RTN4R: variants seen among roughly 807,000 people sequenced by gnomAD.
RTN4R encodes reticulon 4 receptor.
A neutral mutation model predicts 27.7 loss-of-function variants in RTN4R; 4 were observed. The ratio of observed to expected loss-of-function variants is 0.14; its 90% CI spans 0.07 to 0.33. The LOEUF (loss-of-function observed/expected upper bound fraction) is 0.33. RTN4R is among the 10% of genes least tolerant of loss of function. The probability of loss-of-function intolerance (pLI) is 1.00; values close to 1 mark genes in which losing one functional copy is unlikely to be tolerated. For missense variants in RTN4R, 554 were observed against 671.5 expected (o/e 0.83, Z 1.93); for synonymous variants, 290 against 305.6 (o/e 0.95, Z 0.53).
intron 1 of RTN4R, among the ~76,000 whole-genome samples, chr22:20,256,917 G>T (rs757384743): frequency 6.6e-6 from 1 of 152,190 alleles, no homozygotes; most frequent in Non-Finnish European, 1.5e-5. Context: ...TCCACCTTCT[G>T]CCCACTGCCA....
rs1201693968 is a variant in RTN4R, at chr22:20,268,236, T to TCCGCC, written c.-149_-145dup. 3 of 94,596 alleles carry TCCGCC rather than the reference T, an allele frequency of 3.2e-5. No homozygotes were observed. The highest frequency in any genetic ancestry group is 4.2e-4 in the Admixed American group (2 of 4,726). The allele number at this position is 94,596 out of a possible 1,614,324, so 5.9% of individuals were successfully genotyped here. A position where few individuals can be genotyped will look rare whatever the true frequency, so the allele number is the denominator to read the frequency against. The stretch of plus-strand genomic sequence containing the variant: ...CGGGACGAGGCTCGGCGCGCTCCGC[T>TCCGCC]CCGCCCGGCTCTGGCTGGGCTCGGG... On this transcript the variant is annotated 5_prime_UTR_variant, in exon 1 of 2. Coordinates refer to ENST00000043402, the MANE Select transcript of RTN4R (RefSeq NM_023004.6).
At chr22:20,252,137 T>G (rs1269238741) in intron 1 of RTN4R, among the ~76,000 whole-genome samples, 2 of 151,982 alleles carry the variant, frequency 1.3e-5, no homozygotes, top group African/African-American at 4.8e-5. Context: ...ACTATCATCA[T>G]CACCATCCTC....
intron 1 of RTN4R, among the ~76,000 whole-genome samples, chr22:20,249,873 G>A (rs149743031): frequency 2.0e-5 from 3 of 152,328 alleles, no homozygotes; most frequent in East Asian, 3.9e-4. Context: ...GGCTCTTGCC[G>A]GCTTGTTCTC....
chr22:20,267,331 C>A (rs2145988520), intron 1 of RTN4R, among the ~76,000 whole-genome samples: 1 of 151,704 alleles, frequency 6.6e-6, no homozygotes, highest in South Asian at 2.1e-4. Flanking sequence ...CCAGGCGGGG[C>A]ATGCCCAACT....
At chr22:20,267,249 G>T (rs1047675632) in intron 1 of RTN4R, among the ~76,000 whole-genome samples, 5 of 152,244 alleles carry the variant, frequency 3.3e-5, no homozygotes, top group African/African-American at 9.6e-5. Flanking sequence ...CACGTGCAAG[G>T]AAACGTGTGT....
In RTN4R at chr22:20,241,478, A is replaced by C. The variant is rs2051104926; in HGVS notation, c.*233T>G. On this transcript the variant is annotated 3_prime_UTR_variant, in exon 2 of 2. Coordinates refer to ENST00000043402, the MANE Select transcript of RTN4R (RefSeq NM_023004.6). ...TTTACACAAGTAAAATAAAATGCAT[A>C]TCTCTATATACCGCGATCTGGGTGG... is the stretch of plus-strand genomic sequence containing the variant. The C allele has an allele frequency of 1.7e-6, 1 of 579,418 alleles. No homozygotes were observed. The highest frequency in any genetic ancestry group is 3.1e-6 in the Non-Finnish European group (1 of 325,568). 35.9% of individuals were successfully genotyped at this position (579,418 alleles called of 1,614,324 possible).
At chr22:20,264,518 C>T (rs2051266173) in intron 1 of RTN4R, among the ~76,000 whole-genome samples, 1 of 152,200 alleles carries the variant, frequency 6.6e-6, no homozygotes, top group Non-Finnish European at 1.5e-5. Context: ...AAGGATCACA[C>T]CCCTTGATTT....
chr22:20,262,106 G>T (rs2051251207), intron 1 of RTN4R, among the ~76,000 whole-genome samples: 1 of 152,194 alleles, frequency 6.6e-6, no homozygotes, highest in African/African-American at 2.4e-5. Flanking sequence ...GGAGTAAAGG[G>T]GATGGACCGG....
Position 20,242,975 on chromosome 22 carries a change from A to G in RTN4R, c.158T>C (p.Val53Ala). 1 of 1,611,734 alleles carries G rather than the reference A, an allele frequency of 6.2e-7. No individual in the cohort carries two copies. Among genetic ancestry groups the G allele is most frequent in the Non-Finnish European group, 8.5e-7 (1 of 1,179,770 alleles). ...CPQQGLQAVP[V>A]GIPAASQRIF... ...GCGCTGGCTGGCAGCAGGGATGCCC[A>G]CGGGCACAGCCTGCAGGCCCTGCTG... Residue 53 changes from valine (V) to alanine (A), a missense_variant, in exon 2 of 2, where the codon GTG (valine) becomes GCG (alanine). Transcript: ENST00000043402.
chr22:20,265,724 G>A (rs1602653769), intron 1 of RTN4R, among the ~76,000 whole-genome samples: 1 of 152,218 alleles, frequency 6.6e-6, no homozygotes, highest in Admixed American at 6.5e-5. Context: ...CACATGGATG[G>A]GGTGAGGGGC....
At chr22:20,265,789 G>A (rs566961275) in intron 1 of RTN4R, among the ~76,000 whole-genome samples, 1 of 152,320 alleles carries the variant, frequency 6.6e-6, no homozygotes, top group East Asian at 1.9e-4. Context: ...GTGTGGGGAG[G>A]TGTTGTGGGC....
intron 1 of RTN4R, among the ~76,000 whole-genome samples, chr22:20,257,100 G>A (rs1273895995): frequency 2.0e-5 from 3 of 152,224 alleles, no homozygotes; most frequent in Non-Finnish European, 4.4e-5. Flanking sequence ...CACCACTAAG[G>A]GCAAGTGGCA....
At chr22:20,243,210 G>A (rs2051120015) in intron 1 of RTN4R, 100 bp from the exon 2 acceptor site, 1 of 1,234,506 alleles carries the variant, frequency 8.1e-7, no homozygotes, top group Non-Finnish European at 1.1e-6. Context: ...TGGGTCTCAG[G>A]AGGACCTGGG....
chr22:20,249,181 C>T, intron 1 of RTN4R: 1 of 534,318 alleles, frequency 1.9e-6, no homozygotes. Context: ...TTCAATCCAG[C>T]AGCCAGAGCA....
At chr22:20,252,954 C>T (rs557400703) in intron 1 of RTN4R, among the ~76,000 whole-genome samples, 10 of 152,274 alleles carry the variant, frequency 6.6e-5, no homozygotes, top group Non-Finnish European at 1.3e-4. Context: ...CACCCAGCAT[C>T]CTGCCTCCCC....
rs746749778 is a variant in RTN4R at position 20,255,114 on chromosome 22, CAGG to C, written c.23-12007_23-12005del. ...AACAGAGGCGACAGTGGCTGCCTCC[CAGG>C]AGGACGCGGGGCAGGGGCAGATTGA... On this transcript the variant is annotated intron_variant, in intron 1 of 1. Transcript: ENST00000043402. The surrounding 1 kb of genome is among the most constrained non-coding windows in gnomAD (Gnocchi z 4.8). Among the ~76,000 whole-genome samples, 546 of 152,316 alleles carry C rather than the reference CAGG, an allele frequency of 3.6e-3. 1 individual carries two copies. Among genetic ancestry groups the C allele is most frequent in the Non-Finnish European group, 6.2e-3 (424 of 68,034 alleles).
chr22:20,267,821 C>A, intron 1 of RTN4R: 1 of 359,308 alleles, frequency 2.8e-6, no homozygotes, highest in Non-Finnish European at 5.4e-6. Context: ...CCGCCACCCT[C>A]GGCCCTGCCG....
chr22:20,255,002 G>A lies in RTN4R; in HGVS notation c.23-11892C>T, dbSNP rs2051204022. Among the ~76,000 whole-genome samples, 1 of 152,242 alleles carries A rather than the reference G, an allele frequency of 6.6e-6. No homozygotes were observed. The highest frequency in any genetic ancestry group is 1.5e-5 in the Non-Finnish European group (1 of 68,042). ...CTGTGAATTTAACTGATGGCAGCGA[G>A]ACAGCCATGCTGGGGAGTGTGCTGG... On this transcript the variant is annotated intron_variant, in intron 1 of 1. Coordinates refer to ENST00000043402, the MANE Select transcript of RTN4R (RefSeq NM_023004.6). The surrounding 1 kb of genome is among the most constrained non-coding windows in gnomAD (Gnocchi z 4.8).
intron 1 of RTN4R, among the ~76,000 whole-genome samples, chr22:20,249,607 A>G (rs879743308): frequency 6.6e-6 from 1 of 152,108 alleles, no homozygotes; most frequent in African/African-American, 2.4e-5. Context: ...GAAACACACA[A>G]TAAGAGCCCC....
Sources: allele counts gnomAD v4.1 joint callset (sites outside exome capture counted in the v4.1 genomes callset), GRCh38; gene constraint gnomAD v4.1.1; non-coding constraint Gnocchi (gnomAD v3.1); transcripts MANE v1.5; gene names NCBI Gene and HGNC (gene_info 2026-07-23, HGNC 2026-07-21).